FAM178B: variants seen among roughly 807,000 people sequenced by gnomAD.
FAM178B encodes the protein family with sequence similarity 178 member B, also known as protein FAM178B.
A neutral mutation model predicts 91.7 loss-of-function variants in FAM178B; 82 were observed. That is an observed-to-expected ratio of 0.89 (90% CI 0.75 to 1.07). FAM178B has a LOEUF of 1.07. Ranked by LOEUF, FAM178B falls within the 50% of genes least tolerant of loss-of-function variation. The pLI is 0.00. For missense variants in FAM178B, 769 were observed against 846.7 expected, an observed-to-expected ratio of 0.91 and a Z score of 1.14; for synonymous variants, 368 against 359.4, an observed-to-expected ratio of 1.02 and a Z score of -0.27.
At chr2:96,887,805 G>A (rs957244760) in intron 14 of FAM178B, among the ~76,000 whole-genome samples, 1 of 152,200 alleles carries the variant, frequency 6.6e-6, no homozygotes, top group South Asian at 2.1e-4. Context: ...TAGGTTGGAA[G>A]CTGATGAGTC....
chr2:96,896,399 A>C (rs1375191148), intron 13 of FAM178B, among the ~76,000 whole-genome samples: 2 of 151,952 alleles, frequency 1.3e-5, no homozygotes. Flanking sequence ...CCTCTCCCCC[A>C]CACACAAACC....
At chr2:96,958,406 G>A (rs995394451) in intron 6 of FAM178B, among the ~76,000 whole-genome samples, 2 of 151,948 alleles carry the variant, frequency 1.3e-5, no homozygotes, top group African/African-American at 2.4e-5. Context: ...GAAAATTGAA[G>A]GCCAGGCGCA....
chr2:96,921,622 C>T lies in FAM178B; in HGVS notation c.1320G>A (p.Gly440=). 1 of 1,551,552 alleles carries T rather than the reference C, an allele frequency of 6.4e-7. No homozygotes were observed. ...FLALCAQAQP[G]AYTDENLMGL... is the part of the protein sequence containing the mutation. ...CCATGAGGTTCTCATCAGTGTAGGC[C>T]CCCGGCTGGGCCTGGGCACACAGCG... The change falls in exon 11 of 17, where the codon GGG becomes GGA. Residue 440 remains glycine, a synonymous_variant. Coordinates refer to ENST00000490605, the MANE Select transcript of FAM178B (RefSeq NM_001122646.3).
At chr2:96,906,280 C>T (rs2081054419) in intron 12 of FAM178B, among the ~76,000 whole-genome samples, 1 of 150,416 alleles carries the variant, frequency 6.6e-6, no homozygotes, top group Non-Finnish European at 1.5e-5. Context: ...CAGCTCACTG[C>T]AAGCTCCGCC....
intron 1 of FAM178B, among the ~76,000 whole-genome samples, chr2:96,976,811 G>C (rs558500916): frequency 4.6e-5 from 7 of 152,002 alleles, no homozygotes; most frequent in African/African-American, 1.7e-4. Context: ...TCATGCCACT[G>C]CACTCTGGCC....
At chr2:96,974,290 G>C (rs2082260738) in intron 1 of FAM178B, among the ~76,000 whole-genome samples, 1 of 147,852 alleles carries the variant, frequency 6.8e-6, no homozygotes, top group Non-Finnish European at 1.5e-5. Flanking sequence ...GCTGAGGCAG[G>C]AGAATGGCAT....
intron 12 of FAM178B, among the ~76,000 whole-genome samples, chr2:96,907,439 C>T (rs940312941): frequency 2.0e-5 from 3 of 152,120 alleles, no homozygotes; most frequent in Non-Finnish European, 2.9e-5. Context: ...AAGGCCTCCC[C>T]GGAACTCCAA....
intron 8 of FAM178B, 52 bp from the exon 9 acceptor site, chr2:96,929,372 T>A (rs6725927): frequency 7.5e-7 from 1 of 1,328,500 alleles, no homozygotes. Flanking sequence ...GAGGGCAGGG[T>A]GCACCACTCC....
chr2:96,937,696 C>T (rs1157519542), intron 8 of FAM178B, among the ~76,000 whole-genome samples: 1 of 152,194 alleles, frequency 6.6e-6, no homozygotes, highest in African/African-American at 2.4e-5. Flanking sequence ...GGGGGAGCTG[C>T]AGCCATCCTC....
At chr2:96,978,352 G>A (rs1315161781) in intron 1 of FAM178B, among the ~76,000 whole-genome samples, 2 of 152,250 alleles carry the variant, frequency 1.3e-5, no homozygotes, top group East Asian at 3.9e-4. Context: ...TGAATATACT[G>A]CATACTGGTG....
At chr2:96,903,335 G>C (rs1045879384) in intron 12 of FAM178B, among the ~76,000 whole-genome samples, 2 of 152,238 alleles carry the variant, frequency 1.3e-5, no homozygotes, top group East Asian at 3.8e-4. Context: ...CACCGCGCCC[G>C]GCTGAACTGC....
intron 4 of FAM178B, 67 bp downstream of exon 4, chr2:96,970,649 G>A: frequency 8.1e-7 from 1 of 1,239,070 alleles, no homozygotes; most frequent in East Asian, 2.5e-5. Flanking sequence ...ACTCTGCAGT[G>A]AGTCCCGGGA....
At chr2:96,923,633 G>A (rs768118042) in intron 9 of FAM178B, 50 bp from the exon 10 acceptor site, 5 of 1,445,102 alleles carry the variant, frequency 3.5e-6, no homozygotes, top group Non-Finnish European at 3.8e-6. Context: ...AGGGGGCACA[G>A]GGGCAGGAGT....
chr2:96,980,977 AT>A (rs926021119), intron 1 of FAM178B, among the ~76,000 whole-genome samples: 2 of 151,086 alleles, frequency 1.3e-5, no homozygotes, highest in Non-Finnish European at 3.0e-5. Flanking sequence ...CATTCTATTT[AT>A]TTTTTTTCTT....
intron 1 of FAM178B, chr2:96,977,833 C>A (rs745634318): frequency 2.2e-6 from 1 of 456,404 alleles, no homozygotes; most frequent in Non-Finnish European, 4.4e-6. Context: ...TTGTTCTACT[C>A]CAGCGTTGAC....
chr2:96,982,184 C>T (rs567075643), intron 1 of FAM178B, among the ~76,000 whole-genome samples: 1 of 152,176 alleles, frequency 6.6e-6, no homozygotes, highest in Admixed American at 6.5e-5. Flanking sequence ...ACACAAGAAA[C>T]ATTCTTCACT....
rs151240940 is a variant in FAM178B, at chr2:96,905,296, G to T, written c.1563-2589C>A. On this transcript the variant is annotated intron_variant, in intron 12 of 16. Coordinates refer to ENST00000490605, the MANE Select transcript of FAM178B (RefSeq NM_001122646.3). The stretch of plus-strand genomic sequence containing the variant: ...ATTCAGGCCAGGCACAGTAGCTCAC[G>T]CCTGTAATCCCAACACTTTGGGAGG... Among the ~76,000 whole-genome samples the T allele has an allele frequency of 7.0e-4, 106 of 152,166 alleles. 1 individual carries two copies. The Middle Eastern group carries it at 0.02, about 29-fold the overall frequency.
chr2:96,964,691 C>T (rs1004263777), intron 5 of FAM178B, among the ~76,000 whole-genome samples: 2 of 152,160 alleles, frequency 1.3e-5, no homozygotes, highest in African/African-American at 4.8e-5. Flanking sequence ...CTGATCTGAC[C>T]CCACTTCCCT....
rs74776847 is a variant in FAM178B at position 96,897,271 on chromosome 2, C to T, written c.1651-3220G>A. ...CTGCAGAGTCCCCAGAACCTAGCAC[C>T]GTGCCTGGCACATGGTACATGTCTA... On this transcript the variant is annotated intron_variant, in intron 13 of 16. Transcript: ENST00000490605. 6.6e-3 allele frequency among the ~76,000 whole-genome samples: 1,003 copies of T among 152,110 alleles called. 9 individuals carry two copies. The highest frequency in any genetic ancestry group is 0.023 in the African/African-American group (932 of 41,372).
Sources: allele counts gnomAD v4.1 joint callset (sites outside exome capture counted in the v4.1 genomes callset), GRCh38; gene constraint gnomAD v4.1.1; transcripts MANE v1.5; gene names NCBI Gene and HGNC (gene_info 2026-07-23, HGNC 2026-07-21).